OPCML: variants seen among roughly 807,000 people sequenced by gnomAD.
OPCML encodes opioid-binding protein/cell adhesion molecule.
OPCML carries 13 observed loss-of-function variants against 37.8 expected under a neutral mutation model. The ratio of observed to expected loss-of-function variants is 0.34; its 90% confidence interval spans 0.22 to 0.55. OPCML has a LOEUF of 0.55. OPCML is among the 20% of genes least tolerant of loss of function. The pLI, the probability that OPCML is intolerant of heterozygous loss-of-function variation, is 0.91. For missense variants in OPCML, 341 were observed against 435.6 expected, an observed-to-expected ratio of 0.78 and a Z score of 1.93; for synonymous variants, 176 against 168.8, an observed-to-expected ratio of 1.04 and a Z score of -0.33.
At chr11:132,696,730 A>T (rs1463605715) in intron 2 of OPCML, among the ~76,000 whole-genome samples, 1 of 152,170 alleles carries the variant, frequency 6.6e-6, no homozygotes. Flanking sequence ...AACAAAACTT[A>T]TGCAGAGACA....
chr11:133,299,262 C>T (rs1055509216), intron 1 of OPCML: 2 of 152,244 alleles, frequency 1.3e-5, no homozygotes, highest in African/African-American at 4.8e-5. Flanking sequence ...AGCCATTAAT[C>T]AGAGGTTTCA....
At chr11:132,873,535 G>A (rs558526146) in intron 2 of OPCML, among the ~76,000 whole-genome samples, 1 of 152,112 alleles carries the variant, frequency 6.6e-6, no homozygotes, top group South Asian at 2.1e-4. Flanking sequence ...CCCAATGGGT[G>A]CTAGAGAGGT....
chr11:132,990,434 A>T (rs1413913330), intron 1 of OPCML, among the ~76,000 whole-genome samples: 1 of 152,132 alleles, frequency 6.6e-6, no homozygotes, highest in Non-Finnish European at 1.5e-5. Context: ...TAACACTAAC[A>T]CTTTACATTT....
intron 1 of OPCML, among the ~76,000 whole-genome samples, chr11:133,078,973 C>G (rs1216789847): frequency 6.6e-6 from 1 of 152,102 alleles, no homozygotes; most frequent in Non-Finnish European, 1.5e-5. Flanking sequence ...ATCTTTTTTA[C>G]TGGAATCCTT....
chr11:132,421,241 G>A (rs2095957920), intron 7 of OPCML, among the ~76,000 whole-genome samples: 1 of 152,178 alleles, frequency 6.6e-6, no homozygotes, highest in African/African-American at 2.4e-5. Context: ...CCAGCAGCAA[G>A]TGTATCCCAG....
At chr11:132,973,944 T>C (rs11826014) in intron 1 of OPCML, among the ~76,000 whole-genome samples, 2 of 146,818 alleles carry the variant, frequency 1.4e-5, no homozygotes, top group East Asian at 2.0e-4. Context: ...TTACCAAGCA[T>C]AGAGAAAGCA....
chr11:133,006,233 C>T (rs1947109245), intron 1 of OPCML: 3 of 638,448 alleles, frequency 4.7e-6, no homozygotes, highest in Non-Finnish European at 5.8e-6. Context: ...CTGCGTGGAA[C>T]CTGGGATTCA....
intron 1 of OPCML, among the ~76,000 whole-genome samples, chr11:133,314,062 C>T (rs1282576910): frequency 3.3e-5 from 5 of 150,504 alleles, no homozygotes; most frequent in Non-Finnish European, 5.9e-5. Flanking sequence ...GGTGAAACCT[C>T]GTCTCTACTA....
chr11:132,701,304 A>G (rs1943806132), intron 2 of OPCML, among the ~76,000 whole-genome samples: 1 of 152,122 alleles, frequency 6.6e-6, no homozygotes, highest in African/African-American at 2.4e-5. Context: ...CCATGATTCA[A>G]TTATCTCTGC....
chr11:132,753,156 T>G (rs1253331595), intron 2 of OPCML, among the ~76,000 whole-genome samples: 1 of 152,138 alleles, frequency 6.6e-6, no homozygotes, highest in Non-Finnish European at 1.5e-5. Flanking sequence ...CTATCTGACT[T>G]TCTGACATCA....
At position 133,101,187 on chromosome 11, in the gene OPCML, T is replaced by G. The variant is rs1949080503; in HGVS notation, c.62-158177A>C. Among the ~76,000 whole-genome samples, 4 of 152,186 alleles carry G rather than the reference T, an allele frequency of 2.6e-5. No individual in the cohort carries two copies. In the South Asian group the frequency reaches 8.3e-4, roughly 31 times the overall value. Reference sequence around the variant, plus strand: ...ATCTGCCTGCTTCAGCCTCCCAAAGTGCTAGGGTGACAAGTGTGAGCCACC... The same window carrying G: ...ATCTGCCTGCTTCAGCCTCCCAAAGGGCTAGGGTGACAAGTGTGAGCCACC... On this transcript the variant is annotated intron_variant, in intron 1 of 7. Coordinates refer to ENST00000524381, the MANE Select transcript of OPCML (RefSeq NM_001012393.5).
chr11:133,132,420 C>T (rs920894487), intron 1 of OPCML, among the ~76,000 whole-genome samples: 4 of 152,206 alleles, frequency 2.6e-5, no homozygotes, highest in African/African-American at 9.6e-5. Context: ...TCCTCTCATA[C>T]ACTGCTGGTC....
chr11:132,942,002 C>T (rs192982314), intron 2 of OPCML, among the ~76,000 whole-genome samples: 2 of 152,170 alleles, frequency 1.3e-5, no homozygotes, highest in Non-Finnish European at 2.9e-5. Context: ...CCATAACCAT[C>T]AAAGTCATAG....
chr11:133,195,564 C>T (rs1302670311), intron 1 of OPCML, among the ~76,000 whole-genome samples: 2 of 152,176 alleles, frequency 1.3e-5, no homozygotes. Context: ...TATGTTCTGC[C>T]ATCAATCACA....
At position 132,417,948 on chromosome 11, in the gene OPCML, T is replaced by C. The variant is rs2095944165; in HGVS notation, c.*2245A>G. 1 of 152,232 alleles carries C rather than the reference T, an allele frequency of 6.6e-6. No individual in the cohort carries two copies. The highest frequency in any genetic ancestry group is 2.4e-5 in the African/African-American group (1 of 41,464). 9.4% of individuals were successfully genotyped at this position (152,232 alleles called of 1,614,324 possible). On this transcript the variant is annotated 3_prime_UTR_variant, in exon 8 of 8. Transcript: ENST00000524381. ...GCTCACTAGGAAATGCAGATGTCTG[T>C]TTACAGCTGGAAAATGTAACATTAA... is the stretch of plus-strand genomic sequence containing the variant.
At chr11:132,555,520 G>A (rs749438795) in intron 3 of OPCML, among the ~76,000 whole-genome samples, 3 of 152,032 alleles carry the variant, frequency 2.0e-5, no homozygotes, top group Non-Finnish European at 4.4e-5. Flanking sequence ...GGAATTATGG[G>A]AGCTACAATT....
intron 1 of OPCML, among the ~76,000 whole-genome samples, chr11:133,353,427 T>C (rs1944188147): frequency 6.6e-6 from 1 of 152,160 alleles, no homozygotes; most frequent in Admixed American, 6.5e-5. Flanking sequence ...CCTAATGTGC[T>C]TGGATTACAG....
At chr11:133,024,364 C>A in intron 1 of OPCML, 1 of 985,226 alleles carries the variant, frequency 1.0e-6, no homozygotes. Flanking sequence ...GCACACGTGT[C>A]CATTGAACTT....
intron 2 of OPCML, among the ~76,000 whole-genome samples, chr11:132,867,183 G>A (rs1351297127): frequency 1.3e-5 from 2 of 152,184 alleles, no homozygotes; most frequent in African/African-American, 2.4e-5. Context: ...GAATGTTCTT[G>A]CACACTCTGC....
Sources: gnomAD v4.1 joint callset for allele counts (sites outside exome capture counted in the v4.1 genomes callset) on GRCh38, gnomAD v4.1.1 for gene constraint, MANE v1.5 for transcripts, NCBI Gene and HGNC (gene_info 2026-07-23, HGNC 2026-07-21) for gene names.